The following EHMT1 variants were observed in gnomAD, a reference collection of about 807,000 sequenced individuals.
EHMT1 encodes histone-lysine N-methyltransferase EHMT1.
EHMT1 carries 15 observed loss-of-function variants against 147.2 expected under a neutral mutation model. That is an observed-to-expected ratio of 0.10 (90% CI 0.07 to 0.16). The LOEUF (loss-of-function observed/expected upper bound fraction) is 0.16, where lower values mean the gene tolerates loss of function less well. Among genes scored for constraint, EHMT1 ranks in the 10% least tolerant of loss-of-function variants. The probability of loss-of-function intolerance (pLI) is 1.00; values close to 1 mark genes in which losing one functional copy is unlikely to be tolerated. For missense variants in EHMT1, 1,587 were observed against 1,772.4 expected, an observed-to-expected ratio of 0.90 and a Z score of 1.88; for synonymous variants, 795 against 709.6, an observed-to-expected ratio of 1.12 and a Z score of -1.91.
intron 10 of EHMT1, chr9:137,764,306 T>G (rs1225692958): frequency 6.6e-6 from 1 of 152,388 alleles, no homozygotes; most frequent in Non-Finnish European, 1.5e-5. Flanking sequence ...CTGTGGCACG[T>G]GTGCCCAGCG....
At chr9:137,815,548 A>AG (rs1479389138) in intron 22 of EHMT1, 1 of 325,122 alleles carries the variant, frequency 3.1e-6, no homozygotes, top group African/African-American at 2.1e-5. Context: ...TCCACAGTTG[A>AG]GGATTTGCAA....
chr9:137,666,157 C>G (rs556509568), intron 1 of EHMT1: 1 of 152,384 alleles, frequency 6.6e-6, no homozygotes, highest in Non-Finnish European at 1.5e-5. Context: ...GTGGGGACAC[C>G]TCCTTGTCCT....
At chr9:137,679,538 C>T (rs1159696407) in intron 1 of EHMT1, among the ~76,000 whole-genome samples, 1 of 152,064 alleles carries the variant, frequency 6.6e-6, no homozygotes, top group Non-Finnish European at 1.5e-5. Context: ...GAGGTGTTTC[C>T]TCCTCTTCTT....
At chr9:137,643,832 G>A (rs1055702126) in intron 1 of EHMT1, among the ~76,000 whole-genome samples, 25 of 152,062 alleles carry the variant, frequency 1.6e-4, no homozygotes, top group African/African-American at 2.7e-4. Flanking sequence ...AACTCTTTGC[G>A]TTTTTCTCAT....
At position 137,834,944 on chromosome 9, in the gene EHMT1, C is replaced by T. The variant is rs749218131; in HGVS notation, c.3888C>T (p.Asp1296=). ...LPDTSSAAAA[D]PL Reference sequence around the variant, plus strand: ...ACACCAGCTCCGCGGCTGCCGCCGACCCCCTATGAGACGCCGCCGGCCAGC... The same window carrying T: ...ACACCAGCTCCGCGGCTGCCGCCGATCCCCTATGAGACGCCGCCGGCCAGC... The change falls in exon 27 of 27, where the codon GAC becomes GAT. Residue 1296 remains aspartate (D), a synonymous_variant. Transcript: ENST00000460843. 1.0e-5 allele frequency: 15 copies of T among 1,497,766 alleles called. No individual in the cohort carries two copies. In the African/African-American group the frequency reaches 2.0e-4, roughly 20 times the overall value. The allele number at this position is 1,497,766 out of a possible 1,614,324, so 92.8% of individuals were successfully genotyped here. A position where few individuals can be genotyped will look rare whatever the true frequency, so the allele number is the denominator to read the frequency against.
chr9:137,778,134 C>T (rs990287521), intron 13 of EHMT1, 79 bp downstream of exon 13: 1 of 1,545,240 alleles, frequency 6.5e-7, no homozygotes, highest in African/African-American at 1.4e-5. Flanking sequence ...CATGGTGTCA[C>T]TTTAGCACTT....
intron 1 of EHMT1, among the ~76,000 whole-genome samples, chr9:137,646,726 C>T (rs1465634688): frequency 6.6e-6 from 1 of 152,224 alleles, no homozygotes; most frequent in Non-Finnish European, 1.5e-5. Flanking sequence ...CCCTCACTGC[C>T]GCAAATCTTG....
intron 23 of EHMT1, chr9:137,817,185 G>T (rs1954985152): frequency 1.8e-6 from 1 of 566,246 alleles, no homozygotes; most frequent in South Asian, 1.9e-5. Flanking sequence ...TACAGATGGG[G>T]ACACCGAGCC....
Position 137,700,908 on chromosome 9 carries a change from G to T in EHMT1, c.22-10059G>T, listed in dbSNP as rs1336193206. Among the ~76,000 whole-genome samples, 3 of 152,196 alleles carry T rather than the reference G, an allele frequency of 2.0e-5. No homozygotes were observed. The East Asian group carries it at 5.8e-4, about 29-fold the overall frequency. ...GCTGGGTAATTTATAAGGAAAAGAGGTTTAATCGGTTCATGGTTCTGTGGG... is the reference window on the plus strand; with the variant it reads ...GCTGGGTAATTTATAAGGAAAAGAGTTTTAATCGGTTCATGGTTCTGTGGG... On this transcript the variant is annotated intron_variant, in intron 1 of 26. Coordinates refer to ENST00000460843, the MANE Select transcript of EHMT1 (RefSeq NM_024757.5).
intron 25 of EHMT1, chr9:137,834,110 C>CCCCACCACAGACGGAGG: frequency 1.7e-6 from 1 of 598,738 alleles, no homozygotes; most frequent in East Asian, 2.8e-5. Flanking sequence ...ACCACCCCCA[C>CCCCACCACAGACGGAGG]CCCACCACAG....
chr9:137,682,227 C>T (rs1278033233), intron 1 of EHMT1, among the ~76,000 whole-genome samples: 1 of 152,080 alleles, frequency 6.6e-6, no homozygotes, highest in South Asian at 2.1e-4. Flanking sequence ...GGATTACAAG[C>T]GTGAGCCACC....
intron 3 of EHMT1, among the ~76,000 whole-genome samples, chr9:137,717,455 C>G (rs756119245): frequency 6.6e-6 from 1 of 151,624 alleles, no homozygotes; most frequent in Non-Finnish European, 1.5e-5. Flanking sequence ...GTAAAAAATG[C>G]AAAAATTAAC....
At chr9:137,640,125 G>A (rs942437894) in intron 1 of EHMT1, among the ~76,000 whole-genome samples, 1 of 152,108 alleles carries the variant, frequency 6.6e-6, no homozygotes, top group African/African-American at 2.4e-5. Context: ...AGTAGAGATG[G>A]GGTTTCGCTG....
At position 137,787,565 on chromosome 9, in the gene EHMT1, T is replaced by A. The variant is rs1952081845; in HGVS notation, c.2383-3283T>A. On this transcript the variant is annotated intron_variant, in intron 15 of 26. Coordinates refer to ENST00000460843, the MANE Select transcript of EHMT1 (RefSeq NM_024757.5). The surrounding 1 kb of genome is among the most constrained non-coding windows in gnomAD (Gnocchi z 4.2). ...CTCCCAGCAAGGCTGCTGCCTGGTG[T>A]TTCGAGGCTGCTGTGGTCGCAGACA... 2.2e-6 allele frequency: 1 copy of A among 447,570 alleles called. No individual in the cohort carries two copies. Among genetic ancestry groups the A allele is most frequent in the Non-Finnish European group, 4.1e-6 (1 of 244,354 alleles). 27.7% of individuals were successfully genotyped at this position (447,570 alleles called of 1,614,324 possible).
chr9:137,675,536 T>A (rs540377650), intron 1 of EHMT1, among the ~76,000 whole-genome samples: 3 of 152,006 alleles, frequency 2.0e-5, no homozygotes, highest in African/African-American at 7.2e-5. Context: ...TGATCTCTGC[T>A]CACTGCAAGC....
At chr9:137,713,315 G>T (rs867518915) in intron 2 of EHMT1, among the ~76,000 whole-genome samples, 1 of 149,032 alleles carries the variant, frequency 6.7e-6, no homozygotes, top group East Asian at 2.0e-4. Context: ...TGTCACCCGG[G>T]CTGGAGTGCA....
intron 1 of EHMT1, among the ~76,000 whole-genome samples, chr9:137,634,058 C>G (rs10117888): frequency 0.021 from 3,225 of 152,262 alleles, 114 homozygotes; most frequent in African/African-American, 0.068. Context: ...AGTGATCCAC[C>G]TGCCTCGGCC....
intron 10 of EHMT1, among the ~76,000 whole-genome samples, chr9:137,766,435 G>C (rs1950222725): frequency 1.3e-5 from 2 of 152,196 alleles, no homozygotes; most frequent in Middle Eastern, 3.4e-3. Flanking sequence ...GCCAACATGG[G>C]GAAACACCAT....
chr9:137,636,011 T>C (rs1286649344), intron 1 of EHMT1, among the ~76,000 whole-genome samples: 1 of 151,018 alleles, frequency 6.6e-6, no homozygotes, highest in Non-Finnish European at 1.5e-5. Flanking sequence ...AACCTCCGCC[T>C]CCTGGGTTCA....
Sources: allele counts gnomAD v4.1 joint callset (sites outside exome capture counted in the v4.1 genomes callset), GRCh38; gene constraint gnomAD v4.1.1; non-coding constraint Gnocchi (gnomAD v3.1); transcripts MANE v1.5; gene names NCBI Gene and HGNC (gene_info 2026-07-23, HGNC 2026-07-21).